The following AASDHPPT variants were observed in gnomAD, a reference collection of about 807,000 sequenced individuals.
AASDHPPT encodes the protein L-aminoadipate-semialdehyde dehydrogenase-phosphopantetheinyl transferase.
A neutral mutation model predicts 36.4 loss-of-function variants in AASDHPPT; 23 were observed. The observed-to-expected ratio is 0.63, with a 90% CI of 0.45 to 0.89. AASDHPPT has a LOEUF of 0.89. Ranked by LOEUF, AASDHPPT falls within the 40% of genes least tolerant of loss-of-function variation. AASDHPPT has a pLI of 0.00. For synonymous variants in AASDHPPT, 115 were observed against 128.0 expected (o/e 0.90, Z 0.68); for missense variants, 377 against 378.2 (o/e 1.00, Z 0.03).
At chr11:106,086,738 G>A (rs1861202038) in intron 2 of AASDHPPT, among the ~76,000 whole-genome samples, 1 of 152,020 alleles carries the variant, frequency 6.6e-6, no homozygotes, top group South Asian at 2.1e-4. Flanking sequence ...TCCTTCTTGG[G>A]GCAAAATTCC....
At chr11:106,081,816 C>T (rs1861144100) in intron 2 of AASDHPPT, among the ~76,000 whole-genome samples, 1 of 148,518 alleles carries the variant, frequency 6.7e-6, no homozygotes, top group African/African-American at 2.5e-5. Context: ...AATGAGAACA[C>T]ATGGACACAG....
chr11:106,089,127 G>A (rs1861229826), intron 2 of AASDHPPT, among the ~76,000 whole-genome samples: 1 of 152,036 alleles, frequency 6.6e-6, no homozygotes, highest in South Asian at 2.1e-4. Flanking sequence ...TGCTTTTAGT[G>A]AGTGATCATA....
Position 106,098,302 on chromosome 11 carries a change from T to G in AASDHPPT, c.*1395T>G, listed in dbSNP as rs1291315698. The G allele has an allele frequency of 6.6e-6, 1 of 152,148 alleles. No individual in the cohort carries two copies. Among genetic ancestry groups the G allele is most frequent in the Non-Finnish European group, 1.5e-5 (1 of 67,992 alleles). The allele number at this position is 152,148 out of a possible 1,614,324, so 9.4% of individuals were successfully genotyped here. On this transcript the variant is annotated 3_prime_UTR_variant, in exon 6 of 6. Transcript: ENST00000278618. ...TCATTGTTTTTACCTGTTTTCGTTT[T>G]AGCAAGTAGTACTTAATTTAAAGTG...
rs1224973813 is a variant in AASDHPPT, at chr11:106,097,092, CTCTT to C, written c.*192_*195del. 9.8e-6 allele frequency: 5 copies of C among 512,172 alleles called. No individual in the cohort carries two copies. The highest frequency in any genetic ancestry group is 3.7e-5 in the East Asian group (1 of 27,156). 31.7% of individuals were successfully genotyped at this position (512,172 alleles called of 1,614,324 possible). ...ATAGCTCACTGGAATACATGTTTACCTCTTTCTTTCCTAAATTGCATTGAATTGA... is the reference window on the plus strand; with the variant it reads ...ATAGCTCACTGGAATACATGTTTACCTCTTTCCTAAATTGCATTGAATTGA... On this transcript the variant is annotated 3_prime_UTR_variant, in exon 6 of 6. Coordinates refer to ENST00000278618, the MANE Select transcript of AASDHPPT (RefSeq NM_015423.3).
At chr11:106,078,575 A>G (rs1225284312) in intron 1 of AASDHPPT, among the ~76,000 whole-genome samples, 1 of 152,260 alleles carries the variant, frequency 6.6e-6, no homozygotes, top group African/African-American at 2.4e-5. Flanking sequence ...CATTTAAAAG[A>G]CAGTCCTTTC....
At chr11:106,085,091 A>G (rs1861183894) in intron 2 of AASDHPPT, among the ~76,000 whole-genome samples, 1 of 152,080 alleles carries the variant, frequency 6.6e-6, no homozygotes, top group Middle Eastern at 3.2e-3. Flanking sequence ...TTAAAGTTTT[A>G]TTAACACTTT....
chr11:106,091,586 G>T (rs911468285), intron 4 of AASDHPPT, 109 bp downstream of exon 4: 1 of 1,079,052 alleles, frequency 9.3e-7, no homozygotes, highest in East Asian at 2.8e-5. Context: ...ACTGAATCCA[G>T]TCCTGCTGCT....
Position 106,098,232 on chromosome 11 carries a change from T to C in AASDHPPT, c.*1325T>C, listed in dbSNP as rs1302932314. On this transcript the variant is annotated 3_prime_UTR_variant, in exon 6 of 6. Coordinates refer to ENST00000278618, the MANE Select transcript of AASDHPPT (RefSeq NM_015423.3). Reference sequence around the variant, plus strand: ...ATTACAAATAAGATTGTTATGTCAGTATTGTTATTGGCTTTTCGTATTCCT... The same window carrying C: ...ATTACAAATAAGATTGTTATGTCAGCATTGTTATTGGCTTTTCGTATTCCT... The C allele has an allele frequency of 2.0e-5, 3 of 152,146 alleles. No individual in the cohort carries two copies. The highest frequency in any genetic ancestry group is 7.2e-5 in the African/African-American group (3 of 41,456). The allele number at this position is 152,146 out of a possible 1,614,324, so 9.4% of individuals were successfully genotyped here.
chr11:106,087,798 C>G (rs1476098109), intron 2 of AASDHPPT, among the ~76,000 whole-genome samples: 2 of 152,132 alleles, frequency 1.3e-5, no homozygotes, highest in African/African-American at 4.8e-5. Flanking sequence ...AATGATCAAG[C>G]TATAAGATGG....
chr11:106,088,144 G>T (rs550521779), intron 2 of AASDHPPT, among the ~76,000 whole-genome samples: 4 of 152,178 alleles, frequency 2.6e-5, no homozygotes, highest in East Asian at 3.9e-4. Context: ...AAACGCACTC[G>T]TATCGGATAT....
chr11:106,088,618 T>C (rs1943402985), intron 2 of AASDHPPT, among the ~76,000 whole-genome samples: 1 of 152,112 alleles, frequency 6.6e-6, no homozygotes, highest in South Asian at 2.1e-4. Context: ...TTTACTTTCT[T>C]TGAAGTGTTC....
At chr11:106,093,525 C>G (rs1861278023) in intron 4 of AASDHPPT, 1 of 152,044 alleles carries the variant, frequency 6.6e-6, no homozygotes, top group Non-Finnish European at 1.5e-5. Flanking sequence ...TTATATTTTT[C>G]CTCTTTAAAC....
intron 5 of AASDHPPT, among the ~76,000 whole-genome samples, chr11:106,095,620 A>G (rs184921896): frequency 1.3e-5 from 2 of 152,318 alleles, no homozygotes; most frequent in East Asian, 1.9e-4. Flanking sequence ...CATTATTTTT[A>G]GTAAATCAAC....
chr11:106,077,979 C>A, intron 1 of AASDHPPT, 86 bp downstream of exon 1: 1 of 1,469,776 alleles, frequency 6.8e-7, no homozygotes, highest in Non-Finnish European at 9.2e-7. Context: ...GACACTCCCG[C>A]GCTGGCCGCG....
At chr11:106,085,275 G>A (rs1461224527) in intron 2 of AASDHPPT, among the ~76,000 whole-genome samples, 2 of 151,952 alleles carry the variant, frequency 1.3e-5, no homozygotes, top group African/African-American at 4.8e-5. Flanking sequence ...CTAATTTTTT[G>A]TATTTTTAGT....
intron 2 of AASDHPPT, among the ~76,000 whole-genome samples, chr11:106,082,580 C>T (rs952617269): frequency 3.3e-5 from 5 of 152,160 alleles, no homozygotes; most frequent in African/African-American, 7.2e-5. Flanking sequence ...TAAGAATCCA[C>T]TAGGAACTCA....
chr11:106,093,199 C>T (rs1861273397), intron 4 of AASDHPPT: 1 of 152,056 alleles, frequency 6.6e-6, no homozygotes, highest in Admixed American at 6.6e-5. Flanking sequence ...GACACTGCCT[C>T]TACAAAAAAT....
chr11:106,090,549 A>G lies in AASDHPPT; in HGVS notation c.410-8A>G. The stretch of plus-strand genomic sequence containing the variant: ...CTGCTATTTAATTTTTTATTTCTTA[A>G]TTGGCAGGTCGTGGTTCAATTCCAG... On this transcript the variant is annotated splice_region_variant and splice_polypyrimidine_tract_variant and intron_variant, in intron 2 of 5. Coordinates refer to ENST00000278618, the MANE Select transcript of AASDHPPT (RefSeq NM_015423.3). The G allele has an allele frequency of 6.4e-7, 1 of 1,561,978 alleles. No homozygotes were observed. Among genetic ancestry groups the G allele is most frequent in the Non-Finnish European group, 8.6e-7 (1 of 1,161,686 alleles).
intron 2 of AASDHPPT, among the ~76,000 whole-genome samples, chr11:106,090,148 A>C (rs1399269226): frequency 1.3e-5 from 2 of 152,024 alleles, no homozygotes; most frequent in Non-Finnish European, 2.9e-5. Flanking sequence ...CTACTTTAGG[A>C]GTATTTTAAT....
Sources: gnomAD v4.1 joint callset for allele counts (sites outside exome capture counted in the v4.1 genomes callset) on GRCh38, gnomAD v4.1.1 for gene constraint, MANE v1.5 for transcripts, NCBI Gene and HGNC (gene_info 2026-07-23, HGNC 2026-07-21) for gene names.